Variants in KDR observed in about 807,000 individuals in gnomAD.
KDR encodes kinase insert domain receptor.
Under a neutral mutation model 160.9 loss-of-function variants are expected in KDR, and 43 were observed. That is an observed-to-expected ratio of 0.27 (90% CI 0.21 to 0.34). KDR has a LOEUF of 0.34. Ranked by LOEUF, KDR falls within the 10% of genes least tolerant of loss-of-function variation. The pLI is 1.00. For missense variants in KDR, 1,469 were observed against 1,666.4 expected, an observed-to-expected ratio of 0.88 and a Z score of 2.06; for synonymous variants, 617 against 600.1, an observed-to-expected ratio of 1.03 and a Z score of -0.41.
At chr4:55,098,841 A>T in intron 15 of KDR, 38 bp from the exon 16 acceptor site, 1 of 1,460,286 alleles carries the variant, frequency 6.8e-7, no homozygotes, top group Non-Finnish European at 9.6e-7. Context: ...AACAGTTGGA[A>T]ACTTATACTT....
Position 55,082,644 on chromosome 4 carries a change from G to T in KDR, c.3663-9C>A. The T allele has an allele frequency of 6.2e-7, 1 of 1,604,242 alleles. No individual in the cohort carries two copies. The highest frequency in any genetic ancestry group is 1.1e-5 in the South Asian group (1 of 90,852). On this transcript the variant is annotated splice_polypyrimidine_tract_variant and intron_variant, in intron 27 of 29. Coordinates refer to ENST00000263923, the MANE Select transcript of KDR (RefSeq NM_002253.4). The stretch of plus-strand genomic sequence containing the variant: ...TGTTCTGCAGATACTGACTGCAAAA[G>T]AACAAATATTTATATTTTAGTGGTG...
chr4:55,094,505 C>CACT (rs1720100820), intron 21 of KDR, among the ~76,000 whole-genome samples: 1 of 152,198 alleles, frequency 6.6e-6, no homozygotes, highest in Non-Finnish European at 1.5e-5. Context: ...TGGCCTCTCT[C>CACT]ACTAATAAAT....
chr4:55,078,702 A>C lies in KDR; in HGVS notation c.*1239T>G, dbSNP rs1719643465. 4.3e-6 allele frequency: 1 copy of C among 232,696 alleles called. No homozygotes were observed. The highest frequency in any genetic ancestry group is 2.2e-5 in the African/African-American group (1 of 45,334). 14.4% of individuals were successfully genotyped at this position (232,696 alleles called of 1,614,324 possible). A position where few individuals can be genotyped will look rare whatever the true frequency, so the allele number is the denominator to read the frequency against. ...CCCAGCATTTCACACTATGGTACCA[A>C]ACAAAAAACACATTTTCTTTTTTGA... On this transcript the variant is annotated 3_prime_UTR_variant, in exon 30 of 30. Transcript: ENST00000263923.
intron 7 of KDR, among the ~76,000 whole-genome samples, chr4:55,113,005 C>T (rs1275521395): frequency 6.6e-6 from 1 of 152,152 alleles, no homozygotes; most frequent in East Asian, 1.9e-4. Flanking sequence ...AATTTAAAAA[C>T]TACCTTAGCT....
chr4:55,120,540 C>T (rs1249764416), intron 2 of KDR, among the ~76,000 whole-genome samples: 3 of 152,114 alleles, frequency 2.0e-5, no homozygotes, highest in East Asian at 1.9e-4. Context: ...AGGCAGGGCC[C>T]GAAGTCCATT....
intron 27 of KDR, among the ~76,000 whole-genome samples, chr4:55,087,016 C>T (rs1004345568): frequency 4.6e-5 from 7 of 152,210 alleles, no homozygotes; most frequent in Non-Finnish European, 1.0e-4. Flanking sequence ...AGAAAGCTGC[C>T]TTTAGAACCC....
rs1719646698 is a variant in KDR, at chr4:55,078,769, C to G, written c.*1172G>C. Reference sequence around the variant, plus strand: ...AGGGCAAAAATCAGTAGAAATAGCTCTATATGTTAAAAGTCTAAATAATAC... The same window carrying G: ...AGGGCAAAAATCAGTAGAAATAGCTGTATATGTTAAAAGTCTAAATAATAC... On this transcript the variant is annotated 3_prime_UTR_variant, in exon 30 of 30. Transcript: ENST00000263923. 4.3e-6 allele frequency: 1 copy of G among 232,688 alleles called. No homozygotes were observed. The highest frequency in any genetic ancestry group is 8.5e-6 in the Non-Finnish European group (1 of 117,782). 14.4% of individuals were successfully genotyped at this position (232,688 alleles called of 1,614,324 possible).
In KDR at chr4:55,092,698, A is replaced by G. The variant is rs373458164; in HGVS notation, c.2988T>C (p.Tyr996=). ...GATGCTCCAAGGTCAGGAAGTCCTT[A>G]TACAGATCTTCAGGAGCTGTCCAAA... The part of the protein sequence containing the change: ...VEEEEAPEDL[Y]KDFLTLEHLI... The change falls in exon 22 of 30, where the codon TAT becomes TAC. Residue 996 remains tyrosine, a synonymous_variant. Transcript: ENST00000263923. 15 of 1,613,230 alleles carry G rather than the reference A, an allele frequency of 9.3e-6. No homozygotes were observed. Among genetic ancestry groups the G allele is most frequent in the Non-Finnish European group, 1.3e-5 (15 of 1,179,340 alleles).
intron 3 of KDR, 52 bp downstream of exon 3, chr4:55,118,552 C>CT: frequency 7.0e-7 from 1 of 1,436,184 alleles, no homozygotes; most frequent in South Asian, 1.1e-5. Context: ...AGCCTATTGT[C>CT]TTTTATAACT....
At chr4:55,105,070 G>A in intron 12 of KDR, 86 bp from the exon 13 acceptor site, 2 of 1,114,032 alleles carry the variant, frequency 1.8e-6, no homozygotes, top group Non-Finnish European at 2.7e-6. Flanking sequence ...CTACTACAAA[G>A]TACCAAAAGA....
chr4:55,097,511 T>A, intron 18 of KDR, 151 bp downstream of exon 18: 2 of 611,142 alleles, frequency 3.3e-6, no homozygotes, highest in South Asian at 3.6e-5. Context: ...AGGAGGATCC[T>A]TTTTCCAATT....
At chr4:55,081,852 CAACA>C (rs1471642392) in intron 29 of KDR, 100 bp downstream of exon 29, 1 of 749,002 alleles carries the variant, frequency 1.3e-6, no homozygotes, top group Non-Finnish European at 2.4e-6. Flanking sequence ...TTTCTCCAAC[CAACA>C]AAGACCCCAT....
intron 5 of KDR, 36 bp from the exon 6 acceptor site, chr4:55,114,301 G>C (rs1203607228): frequency 1.2e-6 from 2 of 1,602,184 alleles, no homozygotes; most frequent in African/African-American, 1.3e-5. Flanking sequence ...GAACATGAGA[G>C]AGCAAATAAG....
Position 55,106,810 on chromosome 4 carries a change from G to T in KDR, c.1413C>A (p.Ser471Arg). 1 of 1,605,390 alleles carries T rather than the reference G, an allele frequency of 6.2e-7. No homozygotes were observed. Among genetic ancestry groups the T allele is most frequent in the Non-Finnish European group, 8.5e-7 (1 of 1,172,184 alleles). Reference protein sequence around the residue: ...QLEEECANEPSQAVSVTNPYP... With the variant: ...QLEEECANEPRQAVSVTNPYP... The stretch of plus-strand genomic sequence containing the variant: ...ATGGGTTTGTCACTGAGACAGCTTG[G>T]CTATAAGAAAGAGATAACAGCGCAT... Residue 471 changes from serine (S) to arginine (R), a missense_variant and splice_region_variant, in exon 11 of 30, where the codon AGC becomes AGA. Around this residue, in one of 7 missense-constraint regions of KDR, gnomAD observed 792 missense variants for 840.9 expected, o/e 0.94. Transcript: ENST00000263923.
chr4:55,118,577 G>C (rs781102332), intron 3 of KDR, 27 bp downstream of exon 3: 2 of 1,565,934 alleles, frequency 1.3e-6, no homozygotes. Flanking sequence ...AAGAGACGTG[G>C]GAAATGAATT....
Position 55,087,636 on chromosome 4 carries a change from T to C in KDR, c.3633A>G (p.Lys1211=), listed in dbSNP as rs752218796. 1.4e-5 allele frequency: 22 copies of C among 1,614,000 alleles called. No individual in the cohort carries two copies. The highest frequency in any genetic ancestry group is 2.7e-5 in the African/African-American group (2 of 74,912). The change falls in exon 27 of 30, where the codon AAA becomes AAG. Residue 1211 remains lysine, a synonymous_variant. Coordinates refer to ENST00000263923, the MANE Select transcript of KDR (RefSeq NM_002253.4). ...TTCCTGCTGTGTTGTCATAATGGAA[T>C]TTGGGGTCACATACTTCCTCCTCCT... ...CMEEEEVCDP[K]FHYDNTAGIS...
At chr4:55,122,007 T>G (rs1720893062) in intron 1 of KDR, among the ~76,000 whole-genome samples, 1 of 152,204 alleles carries the variant, frequency 6.6e-6, no homozygotes, top group Non-Finnish European at 1.5e-5. Context: ...CTATTGTAAT[T>G]CATTAGCATT....
At chr4:55,089,495 A>G (rs1328529143) in intron 24 of KDR, 22 bp from the exon 25 acceptor site, 3 of 1,560,310 alleles carry the variant, frequency 1.9e-6, no homozygotes, top group East Asian at 2.2e-5. Flanking sequence ...CAGGGAGGAG[A>G]CATTCTTTGA....
chr4:55,102,096 T>G (rs1366100165), intron 14 of KDR, 68 bp from the exon 15 acceptor site: 3 of 1,602,496 alleles, frequency 1.9e-6, no homozygotes, highest in Non-Finnish European at 1.7e-6. Flanking sequence ...TCAGGGAAAT[T>G]TAGAAAATAT....
Sources: gnomAD v4.1 joint callset for allele counts (sites outside exome capture counted in the v4.1 genomes callset) on GRCh38, gnomAD v4.1.1 for gene constraint, gnomAD v4.1.1 regional missense constraint, MANE v1.5 for transcripts, NCBI Gene and HGNC (gene_info 2026-07-23, HGNC 2026-07-21) for gene names.